Variants in KCNK17 observed in about 807,000 individuals in gnomAD.
KCNK17 encodes potassium two pore domain channel subfamily K member 17, also known as potassium channel subfamily K member 17.
KCNK17 carries 27 observed loss-of-function variants against 24.6 expected under a neutral mutation model. The observed-to-expected ratio is 1.10, with a 90% CI of 0.81 to 1.51. The LOEUF is 1.51. Among genes scored for constraint, KCNK17 ranks in the 40% most tolerant of loss-of-function variants. KCNK17 has a pLI of 0.00. For synonymous variants in KCNK17, 181 were observed against 189.8 expected (o/e 0.95, Z 0.38); for missense variants, 450 against 436.6 (o/e 1.03, Z -0.27).
chr6:39,299,279 G>C lies in KCNK17; in HGVS notation c.*148C>G. The C allele has an allele frequency of 1.6e-6, 1 of 641,604 alleles. No individual in the cohort carries two copies. The highest frequency in any genetic ancestry group is 2.0e-5 in the South Asian group (1 of 51,252). The allele number at this position is 641,604 out of a possible 1,614,324, so 39.7% of individuals were successfully genotyped here. ...CCCATGTCACCCAGGACATGTCTCT[G>C]TATACCCTATTGGGCAGAATTAATC... On this transcript the variant is annotated 3_prime_UTR_variant, in exon 5 of 5. Transcript: ENST00000373231.
chr6:39,314,159 GCTGCGGCTGGAGTC>G lies in KCNK17; in HGVS notation c.148_161del (p.Asp50LeufsTer120), dbSNP rs1040806698. The G allele has an allele frequency of 6.4e-7, 1 of 1,574,546 alleles. No individual in the cohort carries two copies. Among genetic ancestry groups the G allele is most frequent in the African/African-American group, 1.3e-5 (1 of 74,208 alleles). On this transcript the variant is annotated frameshift_variant, in exon 1 of 5. Transcript: ENST00000373231. LOFTEE classifies it high-confidence loss of function. ...ACAGCTCCCACTTGTCGCGCTGGAA[GCTGCGGCTGGAGTC>G]CTGCGCCGCGCGGCCCTCCAGCGTC...
intron 1 of KCNK17, among the ~76,000 whole-genome samples, chr6:39,313,546 C>T (rs1007874915): frequency 1.8e-4 from 27 of 152,238 alleles, no homozygotes; most frequent in African/African-American, 6.5e-4. Flanking sequence ...CGGCCGCGCC[C>T]TCGCTCCTGC....
intron 4 of KCNK17, among the ~76,000 whole-genome samples, chr6:39,301,984 G>A (rs1761958615): frequency 6.6e-6 from 1 of 152,220 alleles, no homozygotes; most frequent in Admixed American, 6.5e-5. Flanking sequence ...AGGCTTGGGA[G>A]TTTATCCTAG....
At position 39,307,051 on chromosome 6, in the gene KCNK17, C is replaced by T. The variant is rs143155742; in HGVS notation, c.353-2396G>A. Among the ~76,000 whole-genome samples the T allele has an allele frequency of 3.6e-3, 553 of 152,242 alleles. 5 individuals carry two copies. The highest frequency in any genetic ancestry group is 0.012 in the African/African-American group (507 of 41,536). ...TGCTGGGATTACAGGTGTGAGCCAC[C>T]GTGCCCAGCTTGCTTGCTTCCTTCC... On this transcript the variant is annotated intron_variant, in intron 2 of 4. Coordinates refer to ENST00000373231, the MANE Select transcript of KCNK17 (RefSeq NM_031460.4).
intron 1 of KCNK17, among the ~76,000 whole-genome samples, chr6:39,313,263 G>A (rs1762180527): frequency 6.6e-6 from 1 of 152,216 alleles, no homozygotes; most frequent in Non-Finnish European, 1.5e-5. Context: ...CACCCTTGAG[G>A]AGCCTCTGCT....
intron 4 of KCNK17, chr6:39,300,485 C>T (rs1260047597): frequency 1.3e-6 from 2 of 1,551,086 alleles, no homozygotes; most frequent in Admixed American, 3.9e-5. Flanking sequence ...GTTTGCCAGT[C>T]TCTGTTTGGT....
intron 1 of KCNK17, 51 bp downstream of exon 1, chr6:39,314,033 G>A: frequency 7.1e-7 from 1 of 1,408,584 alleles, no homozygotes; most frequent in Non-Finnish European, 9.5e-7. Flanking sequence ...TACACCCCGC[G>A]GCCCGCTACC....
intron 2 of KCNK17, among the ~76,000 whole-genome samples, chr6:39,306,122 C>A (rs1032439321): frequency 2.0e-5 from 3 of 151,358 alleles, no homozygotes; most frequent in Admixed American, 2.0e-4. Context: ...TGGCTCACTG[C>A]AAACTCCGCC....
At chr6:39,309,620 C>T (rs150780498) in intron 2 of KCNK17, among the ~76,000 whole-genome samples, 389 of 152,242 alleles carry the variant, frequency 2.6e-3, no homozygotes, top group African/African-American at 9.2e-3. Flanking sequence ...AAGTCACAGG[C>T]CCTGAGAAGA....
At chr6:39,313,963 G>T in intron 1 of KCNK17, 121 bp downstream of exon 1, 1 of 744,868 alleles carries the variant, frequency 1.3e-6, no homozygotes, top group Non-Finnish European at 2.0e-6. Flanking sequence ...CGTTCCCGAC[G>T]TTTCCCTGAA....
At position 39,304,582 on chromosome 6, in the gene KCNK17, T is replaced by C; in HGVS notation, c.426A>G (p.Pro142=). The C allele has an allele frequency of 6.2e-7, 1 of 1,613,952 alleles. No homozygotes were observed. The highest frequency in any genetic ancestry group is 8.5e-7 in the Non-Finnish European group (1 of 1,179,956). ...GTCGGTTGAGCACCACGAGGTTGAG[T>C]GGGATCCCCACAAGGGCAAAGAAGA... ...FCIFFALVGI[P]LNLVVLNRLG... is the part of the protein sequence containing the mutation. Residue 142 remains proline, a synonymous_variant, in exon 3 of 5, where the codon CCA becomes CCG. Coordinates refer to ENST00000373231, the MANE Select transcript of KCNK17 (RefSeq NM_031460.4).
intron 2 of KCNK17, among the ~76,000 whole-genome samples, chr6:39,309,099 G>A (rs1003574465): frequency 2.0e-5 from 3 of 152,222 alleles, no homozygotes; most frequent in Non-Finnish European, 4.4e-5. Context: ...GCCAAGGCGG[G>A]TGGATCACTT....
At chr6:39,312,375 G>A (rs1257687736) in intron 1 of KCNK17, among the ~76,000 whole-genome samples, 3 of 152,134 alleles carry the variant, frequency 2.0e-5, no homozygotes, top group African/African-American at 7.2e-5. Flanking sequence ...GGAAGGGGGT[G>A]AGGTGGGGGT....
chr6:39,312,455 A>G (rs1050484402), intron 1 of KCNK17, among the ~76,000 whole-genome samples: 5 of 152,192 alleles, frequency 3.3e-5, no homozygotes, highest in Admixed American at 2.0e-4. Flanking sequence ...ACCCACATCC[A>G]CAGGTCCACA....
intron 3 of KCNK17, 145 bp downstream of exon 3, chr6:39,304,350 C>A: frequency 1.2e-6 from 1 of 828,928 alleles, no homozygotes; most frequent in Non-Finnish European, 1.9e-6. Flanking sequence ...CACTAAGGAC[C>A]CTATTCTGAG....
intron 4 of KCNK17, among the ~76,000 whole-genome samples, chr6:39,301,867 T>C (rs1761957251): frequency 6.6e-6 from 1 of 152,036 alleles, no homozygotes; most frequent in African/African-American, 2.4e-5. Context: ...GACCTCAGTA[T>C]CCCCATCCAA....
intron 4 of KCNK17, among the ~76,000 whole-genome samples, 192 bp downstream of exon 4, chr6:39,303,765 G>A (rs1350826114): frequency 2.0e-5 from 3 of 152,194 alleles, no homozygotes; most frequent in Non-Finnish European, 2.9e-5. Flanking sequence ...ACCTCTCCGC[G>A]TTGGTCAAGA....
At chr6:39,304,213 G>T (rs1761995814) in intron 3 of KCNK17, 82 bp from the exon 4 acceptor site, 2 of 1,343,216 alleles carry the variant, frequency 1.5e-6, no homozygotes, top group African/African-American at 1.4e-5. Context: ...GCAGGCCAGA[G>T]CTGTCCCCAG....
At chr6:39,307,601 C>T (rs1162745686) in intron 2 of KCNK17, among the ~76,000 whole-genome samples, 1 of 152,180 alleles carries the variant, frequency 6.6e-6, no homozygotes, top group African/African-American at 2.4e-5. Flanking sequence ...AGGCCTGCAG[C>T]GTTCTCAGGC....
Sources: allele counts gnomAD v4.1 joint callset (sites outside exome capture counted in the v4.1 genomes callset), GRCh38; gene constraint gnomAD v4.1.1; transcripts MANE v1.5; gene names NCBI Gene and HGNC (gene_info 2026-07-23, HGNC 2026-07-21).